Variants in GEMIN5 observed in about 807,000 individuals in gnomAD.
The protein encoded by GEMIN5 is gem nuclear organelle associated protein 5, also known as gem-associated protein 5.
GEMIN5 carries 124 observed loss-of-function variants against 176.9 expected under a neutral mutation model. The observed-to-expected ratio is 0.70, with a 90% CI of 0.61 to 0.81. GEMIN5 has a LOEUF of 0.81. Among genes scored for constraint, GEMIN5 ranks in the 40% least tolerant of loss-of-function variants. The probability of loss-of-function intolerance (pLI) is 0.00; values close to 1 mark genes in which losing one functional copy is unlikely to be tolerated. For missense variants in GEMIN5, 1,843 were observed against 1,814.6 expected (o/e 1.02, Z -0.28); for synonymous variants, 673 against 665.2 (o/e 1.01, Z -0.18).
intron 7 of GEMIN5, among the ~76,000 whole-genome samples, chr5:154,926,276 C>A (rs1275613431): frequency 6.6e-6 from 1 of 152,012 alleles, no homozygotes; most frequent in Non-Finnish European, 1.5e-5. Flanking sequence ...TATATTTATT[C>A]CCAAAGATGT....
intron 21 of GEMIN5, among the ~76,000 whole-genome samples, 200 bp from the exon 22 acceptor site, chr5:154,899,510 A>G (rs1582653972): frequency 2.0e-5 from 3 of 152,214 alleles, no homozygotes; most frequent in Non-Finnish European, 2.9e-5. Flanking sequence ...AGCAGTTCTT[A>G]AATTGTGGTC....
chr5:154,888,052 G>T lies in GEMIN5; in HGVS notation c.*158C>A. 1.5e-6 allele frequency: 1 copy of T among 665,512 alleles called. No individual in the cohort carries two copies. The highest frequency in any genetic ancestry group is 2.6e-6 in the Non-Finnish European group (1 of 389,454). The allele number at this position is 665,512 out of a possible 1,614,324, so 41.2% of individuals were successfully genotyped here. A position where few individuals can be genotyped will look rare whatever the true frequency, so the allele number is the denominator to read the frequency against. ...AAGTCAGATCCACCGTTGTCTATGG[G>T]TAGGCAGGGTTGATTCAAACTTAAT... is the stretch of plus-strand genomic sequence containing the variant. On this transcript the variant is annotated 3_prime_UTR_variant, in exon 28 of 28. Coordinates refer to ENST00000285873, the MANE Select transcript of GEMIN5 (RefSeq NM_015465.5).
In GEMIN5 at chr5:154,921,368, C is replaced by T; in HGVS notation, c.1437G>A (p.Gly479=). 2 of 1,460,186 alleles carry T rather than the reference C, an allele frequency of 1.4e-6. No individual in the cohort carries two copies. Among genetic ancestry groups the T allele is most frequent in the Non-Finnish European group, 9.5e-7 (1 of 1,048,034 alleles). 90.5% of individuals were successfully genotyped at this position (1,460,186 alleles called of 1,614,324 possible). A position where few individuals can be genotyped will look rare whatever the true frequency, so the allele number is the denominator to read the frequency against. Residue 479 remains glycine, a synonymous_variant, in exon 10 of 28, where the codon GGG becomes GGA. Transcript: ENST00000285873. ...HKKTVYTLAW[G]PPVPPMSLGG... ...CAAGTGACATGGGGGGTACTGGTGG[C>T]CCCCAGGCTAAAGTATATACAGTCT...
At chr5:154,921,615 T>C (rs1763923822) in intron 9 of GEMIN5, among the ~76,000 whole-genome samples, 190 bp from the exon 10 acceptor site, 1 of 152,190 alleles carries the variant, frequency 6.6e-6, no homozygotes, top group African/African-American at 2.4e-5. Flanking sequence ...TATTTACATT[T>C]AAATTATATT....
rs774053807 is a variant in GEMIN5, at chr5:154,931,626, TA to T, written c.662-50del. 47 of 1,494,834 alleles carry T rather than the reference TA, an allele frequency of 3.1e-5. No individual in the cohort carries two copies. In the African/African-American group the frequency reaches 5.9e-4, roughly 19 times the overall value. 92.6% of individuals were successfully genotyped at this position (1,494,834 alleles called of 1,614,324 possible). A position where few individuals can be genotyped will look rare whatever the true frequency, so the allele number is the denominator to read the frequency against. On this transcript the variant is annotated intron_variant, in intron 4 of 27. Coordinates refer to ENST00000285873, the MANE Select transcript of GEMIN5 (RefSeq NM_015465.5). ...TTTTTAATTTACATTAAACACGCAC[TA>T]ATATAAAAAAATTAGTTTGCAAGAG...
chr5:154,938,201 G>A lies in GEMIN5; in HGVS notation c.-68C>T. ...CGCTCGTAGCCTCACGCCTTAGGTA[G>A]GGAGCGGGGCGGGGTGAACTCCGAG... On this transcript the variant is annotated 5_prime_UTR_variant, in exon 1 of 28. Coordinates refer to ENST00000285873, the MANE Select transcript of GEMIN5 (RefSeq NM_015465.5). 1 of 1,244,580 alleles carries A rather than the reference G, an allele frequency of 8.0e-7. No homozygotes were observed. The allele number at this position is 1,244,580 out of a possible 1,614,324, so 77.1% of individuals were successfully genotyped here.
intron 25 of GEMIN5, 98 bp downstream of exon 25, chr5:154,892,289 C>T (rs565819426): frequency 2.1e-6 from 2 of 972,010 alleles, no homozygotes; most frequent in Non-Finnish European, 3.1e-6. Flanking sequence ...TGGCCAATCT[C>T]CATCTTTTAA....
intron 13 of GEMIN5, among the ~76,000 whole-genome samples, chr5:154,915,364 A>G (rs1037414151): frequency 5.9e-5 from 9 of 152,212 alleles, no homozygotes; most frequent in Admixed American, 2.0e-4. Flanking sequence ...ATTTAGTGTC[A>G]GATTATAATT....
chr5:154,914,801 A>ACCTT (rs1345604976), intron 13 of GEMIN5, among the ~76,000 whole-genome samples: 7 of 152,364 alleles, frequency 4.6e-5, no homozygotes, highest in African/African-American at 7.2e-5. Context: ...GGGAAAGATT[A>ACCTT]AACTATTATA....
At chr5:154,897,884 G>T (rs956322494) in intron 23 of GEMIN5, among the ~76,000 whole-genome samples, 1 of 150,914 alleles carries the variant, frequency 6.6e-6, no homozygotes, top group Non-Finnish European at 1.5e-5. Flanking sequence ...CCAACCCAAG[G>T]CCTGGGCTGA....
chr5:154,929,081 G>C (rs1337629668), intron 5 of GEMIN5, among the ~76,000 whole-genome samples: 1 of 152,026 alleles, frequency 6.6e-6, no homozygotes, highest in African/African-American at 2.4e-5. Context: ...AAAATTAGCC[G>C]GGCGTGGTGG....
chr5:154,928,777 G>T, intron 5 of GEMIN5, 118 bp from the exon 6 acceptor site: 1 of 797,708 alleles, frequency 1.3e-6, no homozygotes, highest in Non-Finnish European at 2.1e-6. Context: ...TGGCTACTTA[G>T]AATTCAGATC....
chr5:154,937,700 T>TATAA (rs1383985970), intron 1 of GEMIN5, among the ~76,000 whole-genome samples: 2 of 152,068 alleles, frequency 1.3e-5, no homozygotes. Flanking sequence ...AGGGGAGCCA[T>TATAA]ATAAATGGCC....
chr5:154,931,405 C>A, intron 5 of GEMIN5, 53 bp downstream of exon 5: 1 of 1,540,046 alleles, frequency 6.5e-7, no homozygotes, highest in Non-Finnish European at 8.8e-7. Flanking sequence ...AGAAAACCCT[C>A]TACTTCCACC....
At chr5:154,912,824 C>T in intron 14 of GEMIN5, 75 bp downstream of exon 14, 2 of 1,339,292 alleles carry the variant, frequency 1.5e-6, no homozygotes, top group Non-Finnish European at 2.1e-6. Context: ...AACCTGTTCA[C>T]AACTGGGGGA....
At chr5:154,930,221 T>C (rs1396037663) in intron 5 of GEMIN5, among the ~76,000 whole-genome samples, 1 of 152,168 alleles carries the variant, frequency 6.6e-6, no homozygotes, top group African/African-American at 2.4e-5. Flanking sequence ...TCAGAATTAG[T>C]TTAGCCTGTG....
intron 18 of GEMIN5, among the ~76,000 whole-genome samples, chr5:154,903,648 T>C (rs954321434): frequency 5.3e-5 from 8 of 152,102 alleles, no homozygotes; most frequent in Admixed American, 3.9e-4. Context: ...AATAGTTTGA[T>C]TATGCAATAC....
intron 21 of GEMIN5, 120 bp downstream of exon 21, chr5:154,901,219 T>G (rs1455229562): frequency 8.5e-6 from 8 of 938,462 alleles, no homozygotes; most frequent in Middle Eastern, 2.4e-4. Context: ...TAGTCCCAGT[T>G]ACTCAGGGGG....
At chr5:154,893,153 A>G (rs1763273423) in intron 24 of GEMIN5, among the ~76,000 whole-genome samples, 1 of 151,780 alleles carries the variant, frequency 6.6e-6, no homozygotes, top group Non-Finnish European at 1.5e-5. Context: ...TAAAAGCTGT[A>G]ATTAAAAACA....
Sources: gnomAD v4.1 joint callset for allele counts (sites outside exome capture counted in the v4.1 genomes callset) on GRCh38, gnomAD v4.1.1 for gene constraint, MANE v1.5 for transcripts, NCBI Gene and HGNC (gene_info 2026-07-23, HGNC 2026-07-21) for gene names.